TTC1: variants seen among roughly 807,000 people sequenced by gnomAD.
TTC1 encodes the protein tetratricopeptide repeat domain 1.
Under a neutral mutation model 37.6 loss-of-function variants are expected in TTC1, and 31 were observed. The observed-to-expected ratio is 0.82, with a 90% CI of 0.62 to 1.11. The LOEUF (loss-of-function observed/expected upper bound fraction) is 1.11, where lower values mean the gene tolerates loss of function less well. Among genes scored for constraint, TTC1 ranks in the 50% most tolerant of loss-of-function variants. The pLI, the probability that TTC1 is intolerant of heterozygous loss-of-function variation, is 0.00. For synonymous variants in TTC1, 127 were observed against 122.4 expected (o/e 1.04, Z -0.25); for missense variants, 351 against 339.0 (o/e 1.04, Z -0.28).
intron 4 of TTC1, among the ~76,000 whole-genome samples, chr5:160,041,289 TTATG>T (rs1216107717): frequency 1.3e-5 from 2 of 151,880 alleles, no homozygotes; most frequent in African/African-American, 4.8e-5. Context: ...TTATCAAGTA[TTATG>T]TATGTATTAT....
intron 7 of TTC1, among the ~76,000 whole-genome samples, chr5:160,054,976 C>G (rs933582423): frequency 2.6e-5 from 4 of 152,198 alleles, no homozygotes; most frequent in African/African-American, 9.7e-5. Context: ...GCTCTGCCCT[C>G]AGGAGTCCCT....
intron 2 of TTC1, among the ~76,000 whole-genome samples, chr5:160,025,016 T>C (rs901589490): frequency 1.3e-5 from 2 of 152,120 alleles, no homozygotes; most frequent in Non-Finnish European, 2.9e-5. Flanking sequence ...TTTGTATTTT[T>C]ATTTTTATTT....
chr5:160,045,204 C>T (rs765774335), intron 5 of TTC1, among the ~76,000 whole-genome samples: 22 of 152,210 alleles, frequency 1.4e-4, no homozygotes, highest in Non-Finnish European at 2.4e-4. Flanking sequence ...AGAAATAGTT[C>T]ATTTCCATAT....
At chr5:160,045,454 CCACA>C (rs57919333) in intron 5 of TTC1, among the ~76,000 whole-genome samples, 822 of 38,788 alleles carry the variant, frequency 0.021, 23 homozygotes, top group Non-Finnish European at 0.024. Flanking sequence ...CCCCCACCCT[CCACA>C]CACACACACA....
intron 7 of TTC1, among the ~76,000 whole-genome samples, chr5:160,062,780 C>G (rs530266667): frequency 5.9e-5 from 9 of 152,192 alleles, no homozygotes; most frequent in African/African-American, 2.2e-4. Context: ...TTCCCAGTAC[C>G]AACATTTTCT....
At position 160,010,817 on chromosome 5, in the gene TTC1, C is replaced by T. The variant is rs769425474; in HGVS notation, c.289C>T (p.Leu97=). The T allele has an allele frequency of 5.0e-6, 8 of 1,613,148 alleles. No homozygotes were observed. Among genetic ancestry groups the T allele is most frequent in the East Asian group, 2.2e-5 (1 of 44,872 alleles). The change falls in exon 2 of 8, where the codon CTA becomes TTA. Residue 97 remains leucine (L), a synonymous_variant. Transcript: ENST00000231238. The part of the protein sequence containing the change: ...VNSSELDEEY[L]IELEKNMSDE... The stretch of plus-strand genomic sequence containing the variant: ...TTCCTCTGAACTAGATGAAGAATAC[C>T]TAATAGAACTGGAAAAAAACATGTC...
chr5:160,043,636 T>C (rs1218200616), intron 5 of TTC1, among the ~76,000 whole-genome samples: 1 of 152,162 alleles, frequency 6.6e-6, no homozygotes, highest in Non-Finnish European at 1.5e-5. Flanking sequence ...ACAGAACTCA[T>C]GGAATAGAAT....
chr5:160,040,513 A>G (rs1241595519), intron 4 of TTC1, among the ~76,000 whole-genome samples: 1 of 151,848 alleles, frequency 6.6e-6, no homozygotes, highest in African/African-American at 2.4e-5. Context: ...ATTTTTTTAA[A>G]CTCTTTTATA....
At chr5:160,019,873 C>CCCTGCAT (rs748804406) in intron 2 of TTC1, among the ~76,000 whole-genome samples, 19 of 151,914 alleles carry the variant, frequency 1.3e-4, no homozygotes, top group Non-Finnish European at 2.6e-4. Context: ...AGCCACTGTG[C>CCCTGCAT]CCTGCCTCCT....
chr5:160,015,013 C>A (rs1005705317), intron 2 of TTC1, among the ~76,000 whole-genome samples: 1 of 151,902 alleles, frequency 6.6e-6, no homozygotes, highest in Non-Finnish European at 1.5e-5. Flanking sequence ...CTTAATGTAC[C>A]CCTTTTGATA....
At chr5:160,017,773 AATAGC>A (rs1234264659) in intron 2 of TTC1, among the ~76,000 whole-genome samples, 3 of 152,236 alleles carry the variant, frequency 2.0e-5, no homozygotes, top group Admixed American at 2.0e-4. Flanking sequence ...CTGTTGAATG[AATAGC>A]ATCTTTTTCT....
intron 1 of TTC1, 104 bp downstream of exon 1, chr5:160,009,297 A>G (rs906007668): frequency 7.2e-5 from 11 of 152,224 alleles, no homozygotes; most frequent in Non-Finnish European, 1.6e-4. Flanking sequence ...TAGGAGCTCA[A>G]ACTCCTGTGT....
intron 5 of TTC1, among the ~76,000 whole-genome samples, chr5:160,045,354 A>C (rs1757187487): frequency 6.6e-6 from 1 of 152,072 alleles, no homozygotes; most frequent in Admixed American, 6.6e-5. Flanking sequence ...TTATGTGGTT[A>C]GACATGGTCA....
chr5:160,040,564 AT>A (rs1254981616), intron 4 of TTC1, among the ~76,000 whole-genome samples: 5 of 152,036 alleles, frequency 3.3e-5, no homozygotes, highest in African/African-American at 1.2e-4. Context: ...AACTACAAAA[AT>A]ATTTTCTTTA....
At chr5:160,019,710 G>A (rs1013820450) in intron 2 of TTC1, among the ~76,000 whole-genome samples, 1 of 148,590 alleles carries the variant, frequency 6.7e-6, no homozygotes, top group Non-Finnish European at 1.5e-5. Flanking sequence ...TCTGCCTCCC[G>A]AGTAGCTGGG....
chr5:160,042,995 T>G, intron 4 of TTC1, 138 bp from the exon 5 acceptor site: 1 of 870,086 alleles, frequency 1.1e-6, no homozygotes, highest in South Asian at 2.3e-5. Flanking sequence ...GAAGTAACAT[T>G]CAGGTTTTTA....
chr5:160,010,470 A>G (rs2073838598), intron 1 of TTC1, 30 bp from the exon 2 acceptor site: 1 of 1,441,306 alleles, frequency 6.9e-7, no homozygotes, highest in Non-Finnish European at 9.6e-7. Flanking sequence ...AAGCACCATT[A>G]TATAGCAGTT....
In TTC1 at chr5:160,010,628, CCT is replaced by C. The variant is rs1756484441; in HGVS notation, c.101_102del (p.Pro34ArgfsTer10). The C allele has an allele frequency of 1.9e-6, 3 of 1,614,036 alleles. No homozygotes were observed. The highest frequency in any genetic ancestry group is 1.7e-6 in the Non-Finnish European group (2 of 1,179,994). On this transcript the variant is annotated frameshift_variant, in exon 2 of 8. Coordinates refer to ENST00000231238, the MANE Select transcript of TTC1 (RefSeq NM_003314.3). LOFTEE classifies it high-confidence loss of function. ...QEAECAGPPV[P>X]DPKNQHSQSK... is the part of the protein sequence containing the mutation. ...AGCCGAGTGTGCTGGCCCTCCAGTT[CCT>C]GATCCCAAAAATCAGCATTCCCAGA...
chr5:160,063,678 A>G (rs1348052023), intron 7 of TTC1: 1 of 152,198 alleles, frequency 6.6e-6, no homozygotes, highest in Non-Finnish European at 1.5e-5. Context: ...GTAGACCTGT[A>G]AGAAAAATTA....
Sources: gnomAD v4.1 joint callset for allele counts (sites outside exome capture counted in the v4.1 genomes callset) on GRCh38, gnomAD v4.1.1 for gene constraint, MANE v1.5 for transcripts, NCBI Gene and HGNC (gene_info 2026-07-23, HGNC 2026-07-21) for gene names.